The following SLIT3 variants were observed in gnomAD, a reference collection of about 807,000 sequenced individuals.
SLIT3 encodes slit homolog 3 protein.
Under a neutral mutation model 184.0 loss-of-function variants are expected in SLIT3, and 68 were observed. That is an observed-to-expected ratio of 0.37 (90% CI 0.30 to 0.45). The LOEUF (loss-of-function observed/expected upper bound fraction) is 0.45. Among genes scored for constraint, SLIT3 ranks in the 20% least tolerant of loss-of-function variants. The pLI is 1.00. For synonymous variants in SLIT3, 831 were observed against 828.6 expected (o/e 1.00, Z -0.05); for missense variants, 1,707 against 2,026.0 (o/e 0.84, Z 3.02).
intron 4 of SLIT3, among the ~76,000 whole-genome samples, chr5:169,129,827 T>C (rs905296439): frequency 2.5e-5 from 3 of 121,930 alleles, no homozygotes; most frequent in African/African-American, 4.1e-5. Context: ...GGTGGTTTTT[T>C]TTGTTTGTTT....
chr5:169,059,309 G>A (rs562423602), intron 4 of SLIT3, among the ~76,000 whole-genome samples: 15 of 152,240 alleles, frequency 9.9e-5, no homozygotes, highest in African/African-American at 2.4e-4. Flanking sequence ...GGAGCTCACC[G>A]TTCACACATA....
intron 4 of SLIT3, among the ~76,000 whole-genome samples, chr5:169,104,625 C>A (rs1482144265): frequency 6.6e-6 from 1 of 152,144 alleles, no homozygotes; most frequent in African/African-American, 2.4e-5. Context: ...TTGGGCCAAG[C>A]CTCCAGCCTT....
chr5:168,998,742 A>AGAAAACAAAACAAAAGAAAT (rs1554088798), intron 4 of SLIT3, among the ~76,000 whole-genome samples: 39 of 151,902 alleles, frequency 2.6e-4, no homozygotes, highest in Non-Finnish European at 4.4e-5. Context: ...ACAAAACAAA[A>AGAAAACAAAACAAAAGAAAT]GGCCATTGAA....
At chr5:168,866,441 G>A (rs1561976315) in intron 5 of SLIT3, among the ~76,000 whole-genome samples, 1 of 152,206 alleles carries the variant, frequency 6.6e-6, no homozygotes, top group Non-Finnish European at 1.5e-5. Flanking sequence ...TAAGAGCAAT[G>A]AAGGCTTGGA....
intron 4 of SLIT3, among the ~76,000 whole-genome samples, chr5:168,982,646 A>C (rs1434716717): frequency 6.6e-6 from 1 of 152,202 alleles, no homozygotes; most frequent in Non-Finnish European, 1.5e-5. Flanking sequence ...ATCTCCACAC[A>C]TAATTGGAGA....
chr5:169,233,812 C>A (rs1197264012), intron 3 of SLIT3, among the ~76,000 whole-genome samples: 1 of 152,038 alleles, frequency 6.6e-6, no homozygotes, highest in African/African-American at 2.4e-5. Context: ...CCTTTTCTCT[C>A]CCTTCCTTCC....
rs1755200096 is a variant in SLIT3 at position 168,762,667 on chromosome 5, C to A, written c.1482G>T (p.Arg494Ser). 1 of 1,613,978 alleles carries A rather than the reference C, an allele frequency of 6.2e-7. No individual in the cohort carries two copies. Among genetic ancestry groups the A allele is most frequent in the Non-Finnish European group, 8.5e-7 (1 of 1,179,940 alleles). Residue 494 changes from arginine to serine, a missense_variant, in exon 15 of 36, where the codon AGG becomes AGT. Physicochemically the swap from Arg to Ser is moderately radical, Grantham distance 110. Transcript: ENST00000519560. ...GGTCCATGAAGCACTCGCTGCTGAA[C>A]CTGCTGCGGTAATCCTCGGAGCCTG... ...RCSGSEDYRS[R>S]FSSECFMDLV...
intron 4 of SLIT3, among the ~76,000 whole-genome samples, chr5:168,906,414 T>C (rs1761053906): frequency 6.6e-6 from 1 of 152,192 alleles, no homozygotes; most frequent in Admixed American, 6.5e-5. Flanking sequence ...GGAAACATTA[T>C]TGCTCTGGAA....
At chr5:169,229,379 C>G (rs748634810) in intron 3 of SLIT3, among the ~76,000 whole-genome samples, 1 of 152,142 alleles carries the variant, frequency 6.6e-6, no homozygotes, top group Admixed American at 6.5e-5. Context: ...GAAATAAGAA[C>G]GATAACTCGC....
At chr5:168,807,851 T>C (rs942741131) in intron 8 of SLIT3, among the ~76,000 whole-genome samples, 1 of 152,162 alleles carries the variant, frequency 6.6e-6, no homozygotes, top group Non-Finnish European at 1.5e-5. Context: ...GAGCCTGGTG[T>C]CCCGTTTGGA....
chr5:168,842,607 T>C (rs1396389452), intron 6 of SLIT3, among the ~76,000 whole-genome samples: 1 of 152,016 alleles, frequency 6.6e-6, no homozygotes. Flanking sequence ...GCCCCTCCTA[T>C]GTAGTACATA....
chr5:169,067,403 C>A (rs2113114183), intron 4 of SLIT3, among the ~76,000 whole-genome samples: 1 of 151,824 alleles, frequency 6.6e-6, no homozygotes, highest in South Asian at 2.1e-4. Context: ...GAGACTCCAC[C>A]TCAAAAAAAA....
At chr5:168,966,632 C>G (rs1308954038) in intron 4 of SLIT3, among the ~76,000 whole-genome samples, 1 of 152,184 alleles carries the variant, frequency 6.6e-6, no homozygotes, top group Non-Finnish European at 1.5e-5. Flanking sequence ...TTAAATGCAT[C>G]CTCCAAAATG....
chr5:169,044,279 GCTC>G (rs918468943), intron 4 of SLIT3, among the ~76,000 whole-genome samples: 4 of 152,144 alleles, frequency 2.6e-5, no homozygotes, highest in African/African-American at 9.7e-5. Context: ...CAGTAATCCT[GCTC>G]CTATGTATAT....
At chr5:168,997,640 G>A (rs1005420667) in intron 4 of SLIT3, among the ~76,000 whole-genome samples, 1 of 152,144 alleles carries the variant, frequency 6.6e-6, no homozygotes. Context: ...ACCTCAGTGG[G>A]CCTGGGTGAT....
At chr5:168,940,382 A>G (rs543622926) in intron 4 of SLIT3, among the ~76,000 whole-genome samples, 5 of 152,328 alleles carry the variant, frequency 3.3e-5, no homozygotes, top group African/African-American at 1.2e-4. Flanking sequence ...CTGCAAATCA[A>G]CAGTTAAGAA....
intron 5 of SLIT3, among the ~76,000 whole-genome samples, chr5:168,856,545 G>T (rs945763978): frequency 1.3e-5 from 2 of 152,166 alleles, no homozygotes; most frequent in African/African-American, 4.8e-5. Flanking sequence ...AATCACTCAA[G>T]ATTCAGGGGG....
intron 1 of SLIT3, among the ~76,000 whole-genome samples, chr5:169,253,575 T>A (rs957238592): frequency 5.3e-5 from 8 of 152,104 alleles, no homozygotes; most frequent in African/African-American, 1.4e-4. Context: ...AGGCTGACAA[T>A]CTTGACCTCA....
At chr5:168,900,251 A>G (rs1581192624) in intron 4 of SLIT3, among the ~76,000 whole-genome samples, 1 of 152,244 alleles carries the variant, frequency 6.6e-6, no homozygotes, top group Non-Finnish European at 1.5e-5. Context: ...AACTAAAAAT[A>G]GAACTACCCA....
Sources: gnomAD v4.1 joint callset for allele counts (sites outside exome capture counted in the v4.1 genomes callset) on GRCh38, gnomAD v4.1.1 for gene constraint, MANE v1.5 for transcripts, NCBI Gene and HGNC (gene_info 2026-07-23, HGNC 2026-07-21) for gene names.